Variants in SLC25A24 observed in about 807,000 individuals in gnomAD.
SLC25A24 encodes mitochondrial adenyl nucleotide antiporter SLC25A24.
Under a neutral mutation model 60.7 loss-of-function variants are expected in SLC25A24, and 49 were observed. The ratio of observed to expected loss-of-function variants is 0.81; its 90% confidence interval spans 0.64 to 1.02. The LOEUF (loss-of-function observed/expected upper bound fraction) is 1.02. Ranked by LOEUF, SLC25A24 falls within the 50% of genes least tolerant of loss-of-function variation. The pLI is 0.00. For missense variants in SLC25A24, 564 were observed against 586.3 expected (o/e 0.96, Z 0.39); for synonymous variants, 202 against 200.6 (o/e 1.01, Z -0.06).
chr1:108,142,997 C>T (rs1437655498), intron 8 of SLC25A24, among the ~76,000 whole-genome samples: 2 of 152,158 alleles, frequency 1.3e-5, no homozygotes, highest in Admixed American at 6.6e-5. Flanking sequence ...GATAACCACG[C>T]TGAGTTTTAG....
At chr1:108,142,622 G>A (rs1010039663) in intron 8 of SLC25A24, among the ~76,000 whole-genome samples, 1 of 152,160 alleles carries the variant, frequency 6.6e-6, no homozygotes, top group Non-Finnish European at 1.5e-5. Flanking sequence ...GAGTTACGGA[G>A]GGTAGGAAGT....
chr1:108,177,209 A>T (rs1434649741), intron 3 of SLC25A24, among the ~76,000 whole-genome samples: 1 of 152,150 alleles, frequency 6.6e-6, no homozygotes, highest in Non-Finnish European at 1.5e-5. Flanking sequence ...ATAACTCTTA[A>T]GATGTTTTTT....
At chr1:108,164,621 G>T (rs960130868) in intron 3 of SLC25A24, among the ~76,000 whole-genome samples, 5 of 149,570 alleles carry the variant, frequency 3.3e-5, no homozygotes, top group African/African-American at 1.2e-4. Flanking sequence ...TTGTATTTCT[G>T]TGGGATTGGT....
intron 7 of SLC25A24, among the ~76,000 whole-genome samples, chr1:108,145,929 TTC>T (rs1325838336): frequency 6.6e-6 from 1 of 152,224 alleles, no homozygotes; most frequent in Non-Finnish European, 1.5e-5. Context: ...TTTTTTCTAT[TTC>T]TGTGAAGAAA....
intron 5 of SLC25A24, among the ~76,000 whole-genome samples, chr1:108,156,326 T>C (rs1474785705): frequency 1.3e-5 from 2 of 152,216 alleles, no homozygotes; most frequent in Admixed American, 1.3e-4. Flanking sequence ...CTCCTCAAAT[T>C]TGCAGAAACT....
At chr1:108,190,152 G>C (rs1648298033) in intron 1 of SLC25A24, among the ~76,000 whole-genome samples, 1 of 152,162 alleles carries the variant, frequency 6.6e-6, no homozygotes, top group South Asian at 2.1e-4. Context: ...CTCAAAGCCA[G>C]GCAGAGGAGT....
At chr1:108,146,657 G>C (rs978967787) in intron 7 of SLC25A24, among the ~76,000 whole-genome samples, 4 of 152,148 alleles carry the variant, frequency 2.6e-5, no homozygotes, top group African/African-American at 7.2e-5. Flanking sequence ...GGCCTTTTCT[G>C]CATCTATTGA....
At chr1:108,154,518 C>G (rs1348888277) in intron 6 of SLC25A24, among the ~76,000 whole-genome samples, 2 of 152,202 alleles carry the variant, frequency 1.3e-5, no homozygotes, top group Non-Finnish European at 2.9e-5. Flanking sequence ...CAAGCTCTGT[C>G]TAGGTGCTGG....
chr1:108,144,609 T>C (rs1052330862), intron 7 of SLC25A24, among the ~76,000 whole-genome samples: 1 of 152,112 alleles, frequency 6.6e-6, no homozygotes, highest in Non-Finnish European at 1.5e-5. Context: ...GGCCCCAGTG[T>C]GTGATGTTCC....
chr1:108,200,095 C>T lies in SLC25A24; in HGVS notation c.44G>A (p.Cys15Tyr), dbSNP rs1372929024. Residue 15 changes from cysteine to tyrosine, a missense_variant, in exon 1 of 10, where the codon TGC becomes TAC. Physicochemically the swap from Cys to Tyr is radical, Grantham distance 194 (BLOSUM62 -2). Transcript: ENST00000565488. ...GCGCGTCGGCTGCTCCGCGTCCTGG[C>T]AGGCCGCGGTGGGCAGCACGAAGTC... The part of the protein sequence containing the change: ...LRDFVLPTAA[C>Y]QDAEQPTRYE... 6 of 1,575,652 alleles carry T rather than the reference C, an allele frequency of 3.8e-6. No individual in the cohort carries two copies. The highest frequency in any genetic ancestry group is 4.3e-6 in the Non-Finnish European group (5 of 1,161,500).
intron 7 of SLC25A24, among the ~76,000 whole-genome samples, chr1:108,146,842 T>C (rs568178242): frequency 3.6e-4 from 55 of 152,344 alleles, no homozygotes; most frequent in Admixed American, 6.5e-4. Flanking sequence ...GATTTTCACA[T>C]TGATGTTCAT....
chr1:108,194,829 TG>T (rs1006258563), intron 1 of SLC25A24, among the ~76,000 whole-genome samples: 2 of 152,184 alleles, frequency 1.3e-5, no homozygotes, highest in African/African-American at 4.8e-5. Context: ...GCTAAGTTAC[TG>T]GGTAGGTCTT....
At chr1:108,149,955 C>T (rs138489045) in intron 6 of SLC25A24, among the ~76,000 whole-genome samples, 4 of 152,134 alleles carry the variant, frequency 2.6e-5, no homozygotes, top group Admixed American at 2.6e-4. Context: ...TCATGAGATT[C>T]CCAAATACCA....
chr1:108,155,037 T>C lies in SLC25A24; in HGVS notation c.768A>G (p.Thr256=), dbSNP rs1679856793. The change falls in exon 6 of 10, where the codon ACA becomes ACG. Residue 256 remains threonine, a synonymous_variant. Coordinates refer to ENST00000565488, the MANE Select transcript of SLC25A24 (RefSeq NM_013386.5). ...TCTCAGGAGCAATTTTGATGACGTT[T>C]GTACCATTTCCCCTCCAAAGCGAGC... The part of the protein sequence containing the change: ...GIRSLWRGNG[T]NVIKIAPETA... The C allele has an allele frequency of 3.7e-6, 6 of 1,613,134 alleles. No homozygotes were observed. The highest frequency in any genetic ancestry group is 5.1e-6 in the Non-Finnish European group (6 of 1,179,566).
chr1:108,173,007 T>C (rs1647513871), intron 3 of SLC25A24, among the ~76,000 whole-genome samples: 1 of 152,198 alleles, frequency 6.6e-6, no homozygotes, highest in Non-Finnish European at 1.5e-5. Flanking sequence ...TATCACTTCA[T>C]ACCAATTATA....
chr1:108,200,240 G>C lies in SLC25A24; in HGVS notation c.-102C>G. The C allele has an allele frequency of 8.4e-7, 1 of 1,185,530 alleles. No homozygotes were observed. The allele number at this position is 1,185,530 out of a possible 1,614,324, so 73.4% of individuals were successfully genotyped here. ...CGAGGCCGGGCTGGGCGGGGCGCGC[G>C]GCGCAACAGCGTTTGGGGCGCCGTC... On this transcript the variant is annotated 5_prime_UTR_variant, in exon 1 of 10. Transcript: ENST00000565488.
intron 1 of SLC25A24, among the ~76,000 whole-genome samples, chr1:108,195,164 T>C (rs1648457509): frequency 6.7e-6 from 1 of 148,458 alleles, no homozygotes; most frequent in African/African-American, 2.5e-5. Flanking sequence ...TTACAGAATG[T>C]TGTCTTGTGG....
At chr1:108,198,417 G>T (rs1458423936) in intron 1 of SLC25A24, 1 of 152,186 alleles carries the variant, frequency 6.6e-6, no homozygotes, top group African/African-American at 2.4e-5. Context: ...TTCAGACTCA[G>T]CAATGTCCAC....
intron 9 of SLC25A24, among the ~76,000 whole-genome samples, chr1:108,138,826 A>G (rs995797466): frequency 2.0e-5 from 3 of 152,226 alleles, no homozygotes; most frequent in African/African-American, 4.8e-5. Context: ...TCTATAAGGC[A>G]TATGTATGCA....
Sources: allele counts gnomAD v4.1 joint callset (sites outside exome capture counted in the v4.1 genomes callset), GRCh38; gene constraint gnomAD v4.1.1; transcripts MANE v1.5; gene names NCBI Gene and HGNC (gene_info 2026-07-23, HGNC 2026-07-21).